STX8: variants seen among roughly 807,000 people sequenced by gnomAD.
STX8 encodes the protein syntaxin 8, also known as syntaxin-8.
STX8 carries 23 observed loss-of-function variants against 37.5 expected under a neutral mutation model. That is an observed-to-expected ratio of 0.61 (90% CI 0.44 to 0.87). The LOEUF is 0.87. Ranked by LOEUF, STX8 falls within the 40% of genes least tolerant of loss-of-function variation. The probability of loss-of-function intolerance (pLI) is 0.00; values close to 1 mark genes in which losing one functional copy is unlikely to be tolerated. For synonymous variants in STX8, 115 were observed against 99.1 expected, an observed-to-expected ratio of 1.16 and a Z score of -0.95; for missense variants, 313 against 284.7, an observed-to-expected ratio of 1.10 and a Z score of -0.71.
intron 7 of STX8, among the ~76,000 whole-genome samples, chr17:9,326,076 C>T (rs909225888): frequency 6.6e-6 from 1 of 151,492 alleles, no homozygotes; most frequent in Non-Finnish European, 1.5e-5. Context: ...CTAGATGGGT[C>T]TGTGATGAGG....
intron 7 of STX8, among the ~76,000 whole-genome samples, chr17:9,312,575 G>A (rs940836282): frequency 2.0e-5 from 3 of 152,148 alleles, no homozygotes; most frequent in Admixed American, 6.5e-5. Context: ...ATTCAGTGCT[G>A]GTGGGAAGGC....
intron 4 of STX8, among the ~76,000 whole-genome samples, chr17:9,542,349 C>T (rs1906310420): frequency 1.3e-5 from 2 of 151,510 alleles, no homozygotes; most frequent in South Asian, 4.2e-4. Flanking sequence ...CACAGCAAAA[C>T]TCCGTCTCAA....
At chr17:9,436,237 T>TG (rs1047055249) in intron 6 of STX8, among the ~76,000 whole-genome samples, 3 of 148,640 alleles carry the variant, frequency 2.0e-5, no homozygotes, top group South Asian at 2.1e-4. Context: ...CCCAGCTACT[T>TG]GGGGGGCTGA....
rs181473437 is a variant in STX8, at chr17:9,564,572, C to T, written c.117+3799G>A. On this transcript the variant is annotated intron_variant, in intron 2 of 7. Transcript: ENST00000306357. ...ACATTCCTGTACACCAACAGTCAAGCCAAGGGCCAAATCAGGAATGCACTC... is the reference window on the plus strand; with the variant it reads ...ACATTCCTGTACACCAACAGTCAAGTCAAGGGCCAAATCAGGAATGCACTC... Among the ~76,000 whole-genome samples the T allele has an allele frequency of 2.4e-3, 361 of 152,192 alleles. 3 individuals carry two copies. The highest frequency in any genetic ancestry group is 8.0e-3 in the African/African-American group (332 of 41,522).
At chr17:9,295,419 A>G (rs1908479436) in intron 7 of STX8, among the ~76,000 whole-genome samples, 1 of 152,242 alleles carries the variant, frequency 6.6e-6, no homozygotes, top group African/African-American at 2.4e-5. Context: ...GACAAATTAA[A>G]GAAATGAACA....
intron 2 of STX8, among the ~76,000 whole-genome samples, chr17:9,562,716 C>G (rs1010235905): frequency 6.6e-5 from 10 of 152,128 alleles, no homozygotes; most frequent in African/African-American, 2.4e-4. Context: ...CACCATTTCT[C>G]ACTTATGAGG....
intron 7 of STX8, among the ~76,000 whole-genome samples, chr17:9,282,895 G>C (rs1907939680): frequency 7.8e-6 from 1 of 127,456 alleles, no homozygotes; most frequent in African/African-American, 3.1e-5. Context: ...TCACTTTATG[G>C]AGATGAATCT....
In STX8 at chr17:9,317,592, C is replaced by G. The variant is rs540551523; in HGVS notation, c.643+60960G>C. ...CATCCTGGCTAACACAGTGAAACCC[C>G]GTCTCTACTAAAAATACAAAAAAAT... On this transcript the variant is annotated intron_variant, in intron 7 of 7. Coordinates refer to ENST00000306357, the MANE Select transcript of STX8 (RefSeq NM_004853.3). Among the ~76,000 whole-genome samples, 10 of 152,064 alleles carry G rather than the reference C, an allele frequency of 6.6e-5. No individual in the cohort carries two copies. In the South Asian group the frequency reaches 2.1e-3, roughly 32 times the overall value.
chr17:9,289,753 C>G (rs905569856), intron 7 of STX8, among the ~76,000 whole-genome samples: 1 of 151,370 alleles, frequency 6.6e-6, no homozygotes. Context: ...GCAGTCCAGC[C>G]TGGGTGACAG....
intron 6 of STX8, among the ~76,000 whole-genome samples, chr17:9,411,266 A>T (rs1222434102): frequency 6.6e-6 from 1 of 152,178 alleles, no homozygotes; most frequent in African/African-American, 2.4e-5. Context: ...GATGTTCTCA[A>T]TGTCTCTCTG....
At chr17:9,495,764 G>A (rs982401084) in intron 5 of STX8, among the ~76,000 whole-genome samples, 1 of 152,218 alleles carries the variant, frequency 6.6e-6, no homozygotes, top group Admixed American at 6.5e-5. Flanking sequence ...ATGCTGTAGA[G>A]GTAATAATAA....
At chr17:9,342,653 T>C (rs1448418124) in intron 7 of STX8, among the ~76,000 whole-genome samples, 2 of 151,772 alleles carry the variant, frequency 1.3e-5, no homozygotes, top group Non-Finnish European at 2.9e-5. Context: ...GGGTGAGGGG[T>C]TGCAAATGAT....
intron 6 of STX8, among the ~76,000 whole-genome samples, chr17:9,406,073 G>T (rs1413718325): frequency 6.6e-6 from 1 of 152,064 alleles, no homozygotes; most frequent in Non-Finnish European, 1.5e-5. Flanking sequence ...CATAGCTGCA[G>T]TGACGGCTTC....
rs564718631 is a variant in STX8, at chr17:9,390,831, C to T, written c.542-12178G>A. On this transcript the variant is annotated intron_variant, in intron 6 of 7. Transcript: ENST00000306357. ...CAGCCTGGGCGACAGAGCGAGACTC[C>T]GTCTCAAAAAAAAAAAAAAAAAAAG... 1.4e-3 allele frequency among the ~76,000 whole-genome samples: 154 copies of T among 108,570 alleles called. 4 individuals are homozygous for T. The highest frequency in any genetic ancestry group is 5.1e-4 in the East Asian group (2 of 3,906). The allele number at this position is 108,570 out of a possible 152,430, so 71.2% of individuals were successfully genotyped here. A position where few individuals can be genotyped will look rare whatever the true frequency, so the allele number is the denominator to read the frequency against.
intron 5 of STX8, among the ~76,000 whole-genome samples, chr17:9,492,761 T>A (rs1041716184): frequency 6.6e-6 from 1 of 151,980 alleles, no homozygotes; most frequent in Non-Finnish European, 1.5e-5. Context: ...CCATCCTGCA[T>A]CAAAAAGTAA....
At chr17:9,442,403 G>C (rs1904696092) in intron 6 of STX8, among the ~76,000 whole-genome samples, 1 of 152,030 alleles carries the variant, frequency 6.6e-6, no homozygotes, top group Non-Finnish European at 1.5e-5. Flanking sequence ...CCAAGCCATA[G>C]TTTCTTTCTT....
intron 7 of STX8, 50 bp from the exon 8 acceptor site, chr17:9,250,695 A>G (rs1394671792): frequency 1.3e-6 from 2 of 1,521,608 alleles, no homozygotes; most frequent in Non-Finnish European, 1.8e-6. Context: ...CTACCAGAAA[A>G]GCATCACACA....
chr17:9,458,658 C>A (rs766513592), intron 6 of STX8, among the ~76,000 whole-genome samples: 1 of 152,164 alleles, frequency 6.6e-6, no homozygotes, highest in South Asian at 2.1e-4. Context: ...ATCCAGCACT[C>A]CCAATGCAAT....
At chr17:9,496,801 A>C (rs1056335176) in intron 5 of STX8, among the ~76,000 whole-genome samples, 16 of 152,280 alleles carry the variant, frequency 1.1e-4, no homozygotes, top group African/African-American at 3.4e-4. Context: ...GAGATAACTT[A>C]CTGGCTTTGA....
Sources: gnomAD v4.1 joint callset for allele counts (sites outside exome capture counted in the v4.1 genomes callset) on GRCh38, gnomAD v4.1.1 for gene constraint, MANE v1.5 for transcripts, NCBI Gene and HGNC (gene_info 2026-07-23, HGNC 2026-07-21) for gene names.